Variants in SNRPN observed in about 807,000 individuals in gnomAD.
The protein encoded by SNRPN is small nuclear ribonucleoprotein-associated protein N.
A neutral mutation model predicts 25.2 loss-of-function variants in SNRPN; 7 were observed. The ratio of observed to expected loss-of-function variants is 0.28; its 90% CI spans 0.16 to 0.52. SNRPN has a LOEUF of 0.52. Among genes scored for constraint, SNRPN ranks in the 20% least tolerant of loss-of-function variants. SNRPN has a pLI of 0.96. For missense variants in SNRPN, 196 were observed against 322.5 expected (o/e 0.61, Z 3.00); for synonymous variants, 124 against 110.6 (o/e 1.12, Z -0.76).
intron 1 of SNRPN, among the ~76,000 whole-genome samples, chr15:24,955,789 G>A (rs1470091489): frequency 2.0e-5 from 3 of 151,256 alleles, no homozygotes; most frequent in Non-Finnish European, 4.4e-5. Flanking sequence ...CATTGGCAGC[G>A]GGTAGGCATG....
At chr15:24,977,654 T>C (rs1648404744) in intron 7 of SNRPN, 124 bp from the exon 8 acceptor site, 3 of 940,516 alleles carry the variant, frequency 3.2e-6, no homozygotes, top group African/African-American at 3.4e-5. Flanking sequence ...AACATGGGAA[T>C]AATGAGAGAA....
chr15:24,961,652 A>T (rs2153475086), intron 1 of SNRPN, among the ~76,000 whole-genome samples: 1 of 152,306 alleles, frequency 6.6e-6, no homozygotes, highest in Middle Eastern at 3.4e-3. Context: ...ATGTTTTTTT[A>T]AAGTAGATAT....
chr15:24,853,372 GA>G (rs1413812503), upstream of SNRPN, among the ~76,000 whole-genome samples: 1 of 151,528 alleles, frequency 6.6e-6, no homozygotes, highest in Non-Finnish European at 1.5e-5. Context: ...TCATGACATT[GA>G]CATACTTCAT....
At chr15:24,962,982 T>G (rs1248708740) in intron 2 of SNRPN, among the ~76,000 whole-genome samples, 3 of 137,736 alleles carry the variant, frequency 2.2e-5, no homozygotes, top group African/African-American at 9.1e-5. Flanking sequence ...AAAGTAAGTC[T>G]CATTTTAAAG....
intron 1 of SNRPN, among the ~76,000 whole-genome samples, chr15:24,880,357 C>G (rs893343407): frequency 6.6e-6 from 1 of 152,086 alleles, no homozygotes; most frequent in Non-Finnish European, 1.5e-5. Flanking sequence ...CGTTTTCAAT[C>G]CTCGAACTTT....
chr15:24,954,877 A>T (rs965768247), upstream of SNRPN: 46 of 866,124 alleles, frequency 5.3e-5, no homozygotes, highest in Non-Finnish European at 7.4e-5. Flanking sequence ...GGGAGCTGGG[A>T]CCCCTGCACT....
chr15:24,855,022 C>A (rs895946302), upstream of SNRPN, among the ~76,000 whole-genome samples: 10 of 150,210 alleles, frequency 6.7e-5, no homozygotes, highest in African/African-American at 2.2e-4. Flanking sequence ...AAAAAAAATT[C>A]TAGTGCTGCT....
At chr15:24,972,783 C>T (rs541534075) in intron 3 of SNRPN, among the ~76,000 whole-genome samples, 33 of 130,586 alleles carry the variant, frequency 2.5e-4, no homozygotes, top group Admixed American at 2.3e-4. Flanking sequence ...TGCTTGATTA[C>T]GGTCATGAGC....
intron 2 of SNRPN, among the ~76,000 whole-genome samples, chr15:24,837,431 C>T (rs1053409597): frequency 2.7e-5 from 4 of 150,188 alleles, no homozygotes; most frequent in Non-Finnish European, 4.4e-5. Flanking sequence ...GCAGTGGCTG[C>T]GATCTTGGCT....
At position 24,871,927 on chromosome 15, in the gene SNRPN, G is replaced by A. The variant is rs112336820; in HGVS notation, c.-578-14589G>A. On this transcript the variant is annotated intron_variant, in intron 1 of 11. Transcript: ENST00000400097. ...TCACCATGTTAGCCAGGATGGTCTC[G>A]ATCTCCTGACTTCATGATTCGCCCA... 9.3e-5 allele frequency among the ~76,000 whole-genome samples: 11 copies of A among 118,272 alleles called. 2 individuals are homozygous for A. Among genetic ancestry groups the A allele is most frequent in the South Asian group, 3.0e-4 (1 of 3,284 alleles). 77.6% of individuals were successfully genotyped at this position (118,272 alleles called of 152,430 possible). A position where few individuals can be genotyped will look rare whatever the true frequency, so the allele number is the denominator to read the frequency against.
intron 3 of SNRPN, among the ~76,000 whole-genome samples, chr15:24,941,126 A>G (rs1164629599): frequency 6.6e-6 from 1 of 152,140 alleles, no homozygotes; most frequent in African/African-American, 2.4e-5. Flanking sequence ...ACAGGTGCAC[A>G]CTACCATGCC....
At chr15:24,934,497 T>TA (rs2061097211) in intron 3 of SNRPN, among the ~76,000 whole-genome samples, 1 of 152,140 alleles carries the variant, frequency 6.6e-6, no homozygotes, top group Non-Finnish European at 1.5e-5. Context: ...CCTCAAAGCC[T>TA]AAAATATTTA....
intron 2 of SNRPN, among the ~76,000 whole-genome samples, chr15:24,843,788 A>AACACACACACACACACACACAC (rs56693061): frequency 3.9e-4 from 55 of 139,906 alleles, no homozygotes; most frequent in Middle Eastern, 3.7e-3. Context: ...CTCCATCACA[A>AACACACACACACACACACACAC]ACACACACAC....
At chr15:24,837,612 A>G (rs752054116) in intron 2 of SNRPN, among the ~76,000 whole-genome samples, 278 of 151,490 alleles carry the variant, frequency 1.8e-3, no homozygotes, top group East Asian at 6.2e-3. Context: ...TTCGTGATCC[A>G]CCCGCCTCGG....
chr15:24,964,127 G>A (rs553824077), intron 2 of SNRPN, among the ~76,000 whole-genome samples: 2 of 151,680 alleles, frequency 1.3e-5, no homozygotes, highest in East Asian at 1.9e-4. Context: ...TTATTTTGCC[G>A]ATTTTTACTA....
At chr15:24,961,962 T>G in intron 1 of SNRPN, 152 bp from the exon 2 acceptor site, 2 of 761,028 alleles carry the variant, frequency 2.6e-6, no homozygotes, top group Non-Finnish European at 4.5e-6. Context: ...TATGACTGTT[T>G]GAAGGTTAAA....
chr15:24,877,455 T>G (rs923960671), intron 1 of SNRPN, among the ~76,000 whole-genome samples: 1 of 152,224 alleles, frequency 6.6e-6, no homozygotes, highest in African/African-American at 2.4e-5. Context: ...GAACCAAGAA[T>G]GACTGCTGAT....
At chr15:24,925,840 C>T (rs2060343147) in intron 3 of SNRPN, among the ~76,000 whole-genome samples, 1 of 151,996 alleles carries the variant, frequency 6.6e-6, no homozygotes, top group South Asian at 2.1e-4. Context: ...CTCCCAGGTT[C>T]ACGCCATTCT....
intron 2 of SNRPN, among the ~76,000 whole-genome samples, chr15:24,964,202 G>C (rs1395386484): frequency 6.6e-6 from 1 of 151,672 alleles, no homozygotes; most frequent in South Asian, 2.1e-4. Context: ...TTTTATGTAC[G>C]TTTTGTTTGT....
Sources: gnomAD v4.1 joint callset for allele counts (sites outside exome capture counted in the v4.1 genomes callset) on GRCh38, gnomAD v4.1.1 for gene constraint, MANE v1.5 for transcripts, NCBI Gene and HGNC (gene_info 2026-07-23, HGNC 2026-07-21) for gene names.